Variants in DHRSX observed in about 807,000 individuals in gnomAD.
DHRSX encodes dehydrogenase/reductase X-linked.
A neutral mutation model predicts 34.0 loss-of-function variants in DHRSX; 31 were observed. That is an observed-to-expected ratio of 0.91 (90% confidence interval 0.69 to 1.23). The LOEUF is 1.23. Among genes scored for constraint, DHRSX ranks in the 50% most tolerant of loss-of-function variants. DHRSX has a pLI of 0.00. For synonymous variants in DHRSX, 201 were observed against 183.8 expected (o/e 1.09, Z -0.76); for missense variants, 414 against 428.1 (o/e 0.97, Z 0.29).
intron 3 of DHRSX, among the ~76,000 whole-genome samples, chrX:2,303,085 A>G (rs1472541624): frequency 1.3e-5 from 2 of 152,220 alleles, no homozygotes; most frequent in African/African-American, 4.8e-5. Context: ...TGATCAAAGG[A>G]TGGGTAAAAG....
intron 1 of DHRSX, among the ~76,000 whole-genome samples, chrX:2,485,197 G>T (rs1318317654): frequency 6.6e-6 from 1 of 152,128 alleles, no homozygotes; most frequent in Non-Finnish European, 1.5e-5. Context: ...TTAGGGAAAT[G>T]TCTCTGTAAG....
chrX:2,336,149 A>G (rs1290933982), intron 3 of DHRSX, among the ~76,000 whole-genome samples: 1 of 151,842 alleles, frequency 6.6e-6, no homozygotes, highest in Non-Finnish European at 1.5e-5. Context: ...CTGGGACTAC[A>G]GGCGCCCGCC....
At chrX:2,345,562 G>C (rs2042696112) in intron 3 of DHRSX, among the ~76,000 whole-genome samples, 1 of 150,832 alleles carries the variant, frequency 6.6e-6, no homozygotes, top group African/African-American at 2.4e-5. Context: ...CAGAAGAATT[G>C]CTCAAACCTG....
At chrX:2,324,103 T>C (rs1166138824) in intron 3 of DHRSX, among the ~76,000 whole-genome samples, 1 of 152,004 alleles carries the variant, frequency 6.6e-6, no homozygotes, top group African/African-American at 2.4e-5. Flanking sequence ...ACGATGACTC[T>C]GCTTTGTAAT....
intron 3 of DHRSX, among the ~76,000 whole-genome samples, chrX:2,308,975 G>A (rs1335339607): frequency 6.6e-6 from 1 of 152,028 alleles, no homozygotes; most frequent in Non-Finnish European, 1.5e-5. Flanking sequence ...TTACAAATAG[G>A]AAACACTGTA....
At chrX:2,320,704 C>T (rs201596210) in intron 3 of DHRSX, among the ~76,000 whole-genome samples, 72 of 150,576 alleles carry the variant, frequency 4.8e-4, no homozygotes, top group African/African-American at 1.6e-3. Context: ...TGACTTTTGA[C>T]GTTTTCAAGT....
chrX:2,312,205 G>C, intron 3 of DHRSX, among the ~76,000 whole-genome samples: 1 of 152,206 alleles, frequency 6.6e-6, no homozygotes, highest in Non-Finnish European at 1.5e-5. Context: ...GAGAAATCTT[G>C]AGTTCCTTCC....
chrX:2,332,954 A>C (rs2042499495), intron 3 of DHRSX, among the ~76,000 whole-genome samples: 1 of 152,126 alleles, frequency 6.6e-6, no homozygotes, highest in Non-Finnish European at 1.5e-5. Context: ...GGTAACTAAC[A>C]ATCAGGGGGC....
chrX:2,358,175 G>C (rs1299379261), intron 3 of DHRSX, among the ~76,000 whole-genome samples: 2 of 152,148 alleles, frequency 1.3e-5, no homozygotes, highest in African/African-American at 4.8e-5. Flanking sequence ...GTTTCAAAGA[G>C]CTTCTGCACA....
At chrX:2,253,703 T>G (rs149288275) in intron 5 of DHRSX, among the ~76,000 whole-genome samples, 1,847 of 152,334 alleles carry the variant, frequency 0.012, 39 homozygotes, top group African/African-American at 0.042. Context: ...GTTCTCCATT[T>G]TTTGCTGATT....
At chrX:2,422,258 T>C (rs1406499412) in intron 2 of DHRSX, among the ~76,000 whole-genome samples, 1 of 152,004 alleles carries the variant, frequency 6.6e-6, no homozygotes, top group Non-Finnish European at 1.5e-5. Flanking sequence ...ATAATGGGCA[T>C]TGGTTTTGGA....
At chrX:2,469,397 G>T (rs948886178) in intron 1 of DHRSX, among the ~76,000 whole-genome samples, 2 of 150,638 alleles carry the variant, frequency 1.3e-5, no homozygotes, top group African/African-American at 4.9e-5. Flanking sequence ...CATTGAAGAC[G>T]TTCCCAAAGA....
At chrX:2,389,600 G>C (rs1489056523) in intron 3 of DHRSX, among the ~76,000 whole-genome samples, 1 of 152,072 alleles carries the variant, frequency 6.6e-6, no homozygotes, top group Admixed American at 6.5e-5. Context: ...ACTCATGAGT[G>C]TATGATCAAT....
intron 4 of DHRSX, among the ~76,000 whole-genome samples, chrX:2,289,562 T>C (rs1173667678): frequency 6.6e-6 from 1 of 152,182 alleles, no homozygotes; most frequent in Non-Finnish European, 1.5e-5. Context: ...TGTATTTCCA[T>C]CTCCAACTGC....
rs2016406289 is a variant in DHRSX, at chrX:2,250,265, T to C, written c.597-7035A>G. 4.6e-5 allele frequency among the ~76,000 whole-genome samples: 7 copies of C among 150,946 alleles called. No homozygotes were observed. The South Asian group carries it at 1.5e-3, about 32-fold the overall frequency. The stretch of plus-strand genomic sequence containing the variant: ...CCAGCAGAACTTTGGGAGGCAGAGG[T>C]GGGCGGATCACCTGATCCTTTCAGG... On this transcript the variant is annotated intron_variant, in intron 5 of 6. Transcript: ENST00000334651.
intron 3 of DHRSX, among the ~76,000 whole-genome samples, chrX:2,336,017 T>C (rs1001665640): frequency 4.3e-4 from 65 of 152,116 alleles, no homozygotes; most frequent in African/African-American, 1.4e-3. Context: ...GTTTTTGTTT[T>C]TTTGTTGTCG....
rs369465253 is a variant in DHRSX, at chrX:2,307,714, G to A, written c.287-16111C>T. Among the ~76,000 whole-genome samples the A allele has an allele frequency of 1.3e-4, 20 of 148,408 alleles. No individual in the cohort carries two copies. In the East Asian group the frequency reaches 4.0e-3, roughly 29 times the overall value. On this transcript the variant is annotated intron_variant, in intron 3 of 6. Transcript: ENST00000334651. ...TGGGAGGCGGAGCTTGCAGTGAGCCGAGATTGTGCCACTGCACTCCAGCCT... is the reference window on the plus strand; with the variant it reads ...TGGGAGGCGGAGCTTGCAGTGAGCCAAGATTGTGCCACTGCACTCCAGCCT...
At chrX:2,424,385 G>A (rs1434306785) in intron 2 of DHRSX, among the ~76,000 whole-genome samples, 1 of 152,118 alleles carries the variant, frequency 6.6e-6, no homozygotes, top group Non-Finnish European at 1.5e-5. Context: ...ACCCTGTGAG[G>A]ACACAGGGAG....
chrX:2,266,362 G>A (rs1404542370), intron 5 of DHRSX, among the ~76,000 whole-genome samples: 15 of 125,134 alleles, frequency 1.2e-4, no homozygotes, highest in East Asian at 5.0e-4. Context: ...ACCAGTGCTC[G>A]GCAGATGCAG....
Sources: allele counts gnomAD v4.1 joint callset (sites outside exome capture counted in the v4.1 genomes callset), GRCh38; gene constraint gnomAD v4.1.1; transcripts MANE v1.5; gene names NCBI Gene and HGNC (gene_info 2026-07-23, HGNC 2026-07-21).